Variants in LONP1 observed in about 807,000 individuals in gnomAD.
The protein encoded by LONP1 is lon peptidase 1, mitochondrial, also known as lon protease homolog, mitochondrial.
In LONP1, 31 loss-of-function variants were observed where a neutral mutation model predicts 98.5. That is an observed-to-expected ratio of 0.31 (90% confidence interval 0.24 to 0.42). The LOEUF is 0.42. LONP1 is among the 20% of genes least tolerant of loss of function. LONP1 has a pLI of 1.00. For synonymous variants in LONP1, 781 were observed against 594.7 expected, an observed-to-expected ratio of 1.31 and a Z score of -4.56; for missense variants, 1,336 against 1,350.6, an observed-to-expected ratio of 0.99 and a Z score of 0.17.
intron 4 of LONP1, among the ~76,000 whole-genome samples, chr19:5,710,427 A>T (rs1339766174): frequency 6.8e-6 from 1 of 147,694 alleles, no homozygotes; most frequent in Non-Finnish European, 1.5e-5. Context: ...ACAGGGTCTC[A>T]CTCTGTTGCC....
chr19:5,692,011 C>T lies in LONP1; in HGVS notation c.*21G>A. ...CCCAGACAGGGCCTGACATCCGCCG[C>T]CTGCAGTCCCGGGGTGGCCGTCACC... On this transcript the variant is annotated 3_prime_UTR_variant, in exon 18 of 18. Coordinates refer to ENST00000360614, the MANE Select transcript of LONP1 (RefSeq NM_004793.4). The T allele has an allele frequency of 6.2e-7, 1 of 1,602,272 alleles. No individual in the cohort carries two copies. The highest frequency in any genetic ancestry group is 8.5e-7 in the Non-Finnish European group (1 of 1,173,270).
chr19:5,701,473 G>A (rs1024461988), intron 8 of LONP1, among the ~76,000 whole-genome samples: 4 of 152,336 alleles, frequency 2.6e-5, no homozygotes, highest in African/African-American at 9.6e-5. Flanking sequence ...TGCGATTGCA[G>A]GCGCGCGCCG....
intron 1 of LONP1, among the ~76,000 whole-genome samples, chr19:5,716,755 T>C (rs2055330817): frequency 2.6e-5 from 4 of 152,142 alleles, no homozygotes; most frequent in Admixed American, 2.6e-4. Context: ...TCCTCGCAGA[T>C]GGAACAATGG....
chr19:5,698,931 A>G, intron 10 of LONP1, 96 bp downstream of exon 10: 5 of 1,304,236 alleles, frequency 3.8e-6, no homozygotes, highest in Non-Finnish European at 5.1e-6. Context: ...CACAACCCGG[A>G]TTGCTCTACC....
chr19:5,714,183 C>A lies in LONP1; in HGVS notation c.518G>T (p.Ser173Ile). 6.2e-7 allele frequency: 1 copy of A among 1,611,834 alleles called. No individual in the cohort carries two copies. The highest frequency in any genetic ancestry group is 2.2e-5 in the East Asian group (1 of 44,892). ...YVGVFLKRDD[S>I]NESDVVESLD... is the part of the protein sequence containing the mutation. ...GGAATGAAGGAAAAATCACACTTAC[C>A]TGTCATCTCTCTTTAGAAAGACGCC... The change falls in exon 2 of 18, where the codon AGC becomes ATC. Residue 173 changes from serine (S) to isoleucine (I), a missense_variant and splice_region_variant. Physicochemically the swap from Ser to Ile is moderately radical, Grantham distance 142 (BLOSUM62 -2). Around this residue, in one of 5 missense-constraint regions of LONP1, gnomAD observed 457 missense variants for 403.1 expected, o/e 1.13. Coordinates refer to ENST00000360614, the MANE Select transcript of LONP1 (RefSeq NM_004793.4).
intron 2 of LONP1, 90 bp from the exon 3 acceptor site, chr19:5,713,343 A>C: frequency 6.8e-7 from 1 of 1,473,284 alleles, no homozygotes; most frequent in Non-Finnish European, 9.4e-7. Context: ...GAGAGAAAAG[A>C]AACGCCCCTA....
chr19:5,702,586 A>AGGG (rs2055074008), intron 8 of LONP1, among the ~76,000 whole-genome samples: 2 of 149,736 alleles, frequency 1.3e-5, no homozygotes, highest in Admixed American at 1.3e-4. Flanking sequence ...GGAATAGAAA[A>AGGG]GGGGGAAAGG....
chr19:5,700,878 A>C lies in LONP1; in HGVS notation c.1417T>G (p.Tyr473Asp). The change falls in exon 9 of 18, where the codon TAC (tyrosine) becomes GAC (aspartate). Residue 473 changes from tyrosine (Y) to aspartate (D), a missense_variant. By Grantham distance (160) the Tyr-to-Asp change is radical (BLOSUM62 -3). This residue lies in a region of LONP1 where 219 missense variants were observed against 241.0 expected (regional missense o/e 0.91). Coordinates refer to ENST00000360614, the MANE Select transcript of LONP1 (RefSeq NM_004793.4). ...GCCAGGTCCAGGTTCTCGTTGCTGT[A>C]CTTGCCCCAAGGGATGGACGTGAGC... ...DWLTSIPWGK[Y>D]SNENLDLARA... The C allele has an allele frequency of 6.2e-7, 1 of 1,614,192 alleles. No homozygotes were observed. Among genetic ancestry groups the C allele is most frequent in the Non-Finnish European group, 8.5e-7 (1 of 1,180,022 alleles).
At position 5,692,331 on chromosome 19, in the gene LONP1, G is replaced by T. The variant is rs970558664; in HGVS notation, c.2704-123C>A. 2.3e-5 allele frequency: 23 copies of T among 984,258 alleles called. No individual in the cohort carries two copies. The Admixed American group carries it at 3.7e-4, about 16-fold the overall frequency. 61.0% of individuals were successfully genotyped at this position (984,258 alleles called of 1,614,324 possible). ...ACACAGTGATGCCGGGTTCTAAGCAGTAAGTCCCAAAACCCACCAGGGTCC... is the reference window on the plus strand; with the variant it reads ...ACACAGTGATGCCGGGTTCTAAGCATTAAGTCCCAAAACCCACCAGGGTCC... On this transcript the variant is annotated intron_variant, in intron 17 of 17. Coordinates refer to ENST00000360614, the MANE Select transcript of LONP1 (RefSeq NM_004793.4).
chr19:5,708,593 G>C lies in LONP1; in HGVS notation c.871-190C>G, dbSNP rs181448514. ...CCCTGGTGGACTCACCAGTCCCAGG[G>C]ACACAGGACCAAGAGAGTCAAAACT... On this transcript the variant is annotated intron_variant, in intron 4 of 17. Coordinates refer to ENST00000360614, the MANE Select transcript of LONP1 (RefSeq NM_004793.4). The C allele has an allele frequency of 1.5e-3, 614 of 419,452 alleles. 3 individuals are homozygous for C. Among genetic ancestry groups the C allele is most frequent in the African/African-American group, 0.012 (551 of 47,266 alleles). 26.0% of individuals were successfully genotyped at this position (419,452 alleles called of 1,614,324 possible).
chr19:5,713,754 G>C (rs937352007), intron 2 of LONP1, among the ~76,000 whole-genome samples: 3 of 152,088 alleles, frequency 2.0e-5, no homozygotes, highest in Non-Finnish European at 4.4e-5. Flanking sequence ...GTAAAGACGA[G>C]GTTTCATCAT....
chr19:5,708,255 G>A, intron 5 of LONP1, 87 bp downstream of exon 5: 2 of 1,339,570 alleles, frequency 1.5e-6, no homozygotes, highest in Non-Finnish European at 2.1e-6. Context: ...CTCCCAGGAG[G>A]ACGCTGAGGA....
At chr19:5,710,063 G>A (rs1188344633) in intron 4 of LONP1, among the ~76,000 whole-genome samples, 1 of 151,736 alleles carries the variant, frequency 6.6e-6, no homozygotes, top group Non-Finnish European at 1.5e-5. Context: ...GGACAGTGTA[G>A]CCGCTGGTGG....
At chr19:5,704,291 A>C (rs1317506048) in intron 8 of LONP1, among the ~76,000 whole-genome samples, 2 of 152,192 alleles carry the variant, frequency 1.3e-5, no homozygotes, top group South Asian at 4.1e-4. Flanking sequence ...GCGGGATCTC[A>C]GGGCTCGGCA....
chr19:5,709,672 T>G (rs569609467), intron 4 of LONP1, among the ~76,000 whole-genome samples: 6 of 151,956 alleles, frequency 3.9e-5, no homozygotes, highest in South Asian at 2.1e-4. Flanking sequence ...CACTTTGGGA[T>G]GCTAAGGCGG....
intron 1 of LONP1, among the ~76,000 whole-genome samples, chr19:5,717,100 G>A (rs995811833): frequency 2.0e-5 from 3 of 152,128 alleles, no homozygotes; most frequent in African/African-American, 4.8e-5. Context: ...AGCCCACGAA[G>A]TTAGTTTTTA....
intron 13 of LONP1, among the ~76,000 whole-genome samples, chr19:5,695,585 A>G (rs886632620): frequency 2.6e-5 from 4 of 152,190 alleles, no homozygotes; most frequent in African/African-American, 9.6e-5. Context: ...CTGGCTGTCA[A>G]AGGGCTCCTA....
At chr19:5,701,956 G>A (rs976576434) in intron 8 of LONP1, among the ~76,000 whole-genome samples, 8 of 151,430 alleles carry the variant, frequency 5.3e-5, no homozygotes, top group Admixed American at 2.0e-4. Context: ...CCGTCTGGGA[G>A]GGGAAGAGCG....
chr19:5,696,936 C>T (rs901269191), intron 10 of LONP1, among the ~76,000 whole-genome samples, 179 bp from the exon 11 acceptor site: 1 of 152,216 alleles, frequency 6.6e-6, no homozygotes, highest in Non-Finnish European at 1.5e-5. Context: ...GCACGCTGGT[C>T]ACTTGCCCTG....
Sources: gnomAD v4.1 joint callset for allele counts (sites outside exome capture counted in the v4.1 genomes callset) on GRCh38, gnomAD v4.1.1 for gene constraint, gnomAD v4.1.1 regional missense constraint, MANE v1.5 for transcripts, NCBI Gene and HGNC (gene_info 2026-07-23, HGNC 2026-07-21) for gene names.